The following GRM1 variants were observed in gnomAD, a reference collection of about 807,000 sequenced individuals.
The protein encoded by GRM1 is glutamate metabotropic receptor 1, also known as metabotropic glutamate receptor 1.
In GRM1, 33 loss-of-function variants were observed where a neutral mutation model predicts 90.9. The ratio of observed to expected loss-of-function variants is 0.36; its 90% CI spans 0.28 to 0.49. The LOEUF is 0.49. Ranked by LOEUF, GRM1 falls within the 20% of genes least tolerant of loss-of-function variation. The pLI is 0.99. For missense variants in GRM1, 1,190 were observed against 1,534.3 expected, an observed-to-expected ratio of 0.78 and a Z score of 3.75; for synonymous variants, 700 against 613.2, an observed-to-expected ratio of 1.14 and a Z score of -2.09.
At chr6:146,168,628 T>A (rs1777995049) in intron 2 of GRM1, among the ~76,000 whole-genome samples, 1 of 152,024 alleles carries the variant, frequency 6.6e-6, no homozygotes, top group African/African-American at 2.4e-5. Context: ...ACATCACTTG[T>A]GGGACTTATC....
chr6:146,437,530 C>T lies in GRM1; in HGVS notation c.*2734C>T, dbSNP rs1778630658. On this transcript the variant is annotated 3_prime_UTR_variant, in exon 8 of 8. Transcript: ENST00000282753. ...TTCAGCTTCTTGTAAATGTGTTTTC[C>T]TTCGGCTTGTTACTGCCTTTTGTCA... is the stretch of plus-strand genomic sequence containing the variant. 1 of 152,558 alleles carries T rather than the reference C, an allele frequency of 6.6e-6. No homozygotes were observed. Among genetic ancestry groups the T allele is most frequent in the African/African-American group, 2.4e-5 (1 of 41,426 alleles). 9.5% of individuals were successfully genotyped at this position (152,558 alleles called of 1,614,324 possible). A position where few individuals can be genotyped will look rare whatever the true frequency, so the allele number is the denominator to read the frequency against.
At chr6:146,324,740 C>A (rs536133823) in intron 3 of GRM1, among the ~76,000 whole-genome samples, 12 of 152,274 alleles carry the variant, frequency 7.9e-5, no homozygotes, top group Admixed American at 2.6e-4. Flanking sequence ...CAACTCACCC[C>A]CCGTGGGCTG....
At chr6:146,388,992 C>T (rs1474482630) in intron 6 of GRM1, among the ~76,000 whole-genome samples, 2 of 152,020 alleles carry the variant, frequency 1.3e-5, no homozygotes, top group African/African-American at 2.4e-5. Flanking sequence ...CATGCAATGG[C>T]CTGGCTTGGA....
rs1302881732 is a variant in GRM1 at position 146,437,312 on chromosome 6, G to A, written c.*2516G>A. The A allele has an allele frequency of 6.6e-6, 1 of 152,502 alleles. No individual in the cohort carries two copies. Among genetic ancestry groups the A allele is most frequent in the Non-Finnish European group, 1.5e-5 (1 of 68,010 alleles). The allele number at this position is 152,502 out of a possible 1,614,324, so 9.4% of individuals were successfully genotyped here. A position where few individuals can be genotyped will look rare whatever the true frequency, so the allele number is the denominator to read the frequency against. On this transcript the variant is annotated 3_prime_UTR_variant, in exon 8 of 8. Transcript: ENST00000282753. ...ATATCAGGTTGGTCTAAGACTTTTG[G>A]TGAACACGTTCATTCAACTGTGATC...
chr6:146,260,606 C>T (rs184462543), intron 2 of GRM1, among the ~76,000 whole-genome samples: 2 of 152,198 alleles, frequency 1.3e-5, no homozygotes, highest in Admixed American at 1.3e-4. Context: ...AACTAATTTA[C>T]ACTCCTACCA....
chr6:146,273,235 A>G (rs1411003322), intron 2 of GRM1, among the ~76,000 whole-genome samples: 1 of 152,152 alleles, frequency 6.6e-6, no homozygotes, highest in African/African-American at 2.4e-5. Flanking sequence ...ATCCTGGTGA[A>G]TAGTATGGGG....
chr6:146,247,852 A>G (rs1217196511), intron 2 of GRM1, among the ~76,000 whole-genome samples: 1 of 148,246 alleles, frequency 6.7e-6, no homozygotes, highest in Non-Finnish European at 1.5e-5. Context: ...ATAACCATGT[A>G]ACAATATATA....
intron 1 of GRM1, among the ~76,000 whole-genome samples, chr6:146,044,466 T>G (rs958099783): frequency 6.6e-6 from 1 of 151,982 alleles, no homozygotes; most frequent in Non-Finnish European, 1.5e-5. Flanking sequence ...TTCTACTTCA[T>G]TCTTGTTTGC....
chr6:146,370,324 A>G (rs1775850494), intron 5 of GRM1, among the ~76,000 whole-genome samples: 1 of 151,954 alleles, frequency 6.6e-6, no homozygotes. Context: ...TTTTTCCAGA[A>G]TGACAGCTCC....
intron 2 of GRM1, among the ~76,000 whole-genome samples, chr6:146,192,450 A>G (rs1562520480): frequency 6.6e-6 from 1 of 152,176 alleles, no homozygotes; most frequent in Non-Finnish European, 1.5e-5. Context: ...GGTTCCTCAT[A>G]TGTCAATTAG....
chr6:146,316,740 TGGGGACTGTCTTTTTGAGGGCCG>T (rs1444499575), intron 3 of GRM1, among the ~76,000 whole-genome samples: 63 of 152,120 alleles, frequency 4.1e-4, no homozygotes, highest in African/African-American at 1.3e-3. Context: ...CTCCTCTGAT[TGGGGACTGTCTTTTTGAGGGCCG>T]GGGGACTGTC....
intron 5 of GRM1, among the ~76,000 whole-genome samples, chr6:146,367,745 A>G (rs1775746113): frequency 6.6e-6 from 1 of 151,970 alleles, no homozygotes; most frequent in African/African-American, 2.4e-5. Context: ...AAAGGACATG[A>G]TTTTTCTTTT....
chr6:146,357,468 C>G, intron 4 of GRM1, 58 bp from the exon 5 acceptor site: 7 of 1,407,736 alleles, frequency 5.0e-6, no homozygotes, highest in Non-Finnish European at 7.1e-6. Context: ...TACCAACTTT[C>G]TTTGTTTTCT....
intron 3 of GRM1, among the ~76,000 whole-genome samples, chr6:146,321,093 T>A (rs1784172512): frequency 6.6e-6 from 1 of 152,222 alleles, no homozygotes; most frequent in African/African-American, 2.4e-5. Flanking sequence ...TTTCTCACTT[T>A]CCCATGTGCA....
intron 5 of GRM1, among the ~76,000 whole-genome samples, chr6:146,373,547 C>T (rs1184738209): frequency 6.6e-6 from 1 of 152,086 alleles, no homozygotes; most frequent in Non-Finnish European, 1.5e-5. Flanking sequence ...CCCCTTCTGC[C>T]ACACTGGGGA....
rs1288326884 is a variant in GRM1 at position 146,340,195 on chromosome 6, G to A, written c.1187-12055G>A. ...TTTCCTGTTGACCTAGCCCATAGAA[G>A]AATCTGTCATATTTAATTAGTGTGG... is the stretch of plus-strand genomic sequence containing the variant. On this transcript the variant is annotated intron_variant, in intron 3 of 7. Transcript: ENST00000282753. 5.3e-5 allele frequency among the ~76,000 whole-genome samples: 8 copies of A among 152,192 alleles called. No individual in the cohort carries two copies. In the East Asian group the frequency reaches 1.5e-3, roughly 29 times the overall value.
At chr6:146,037,727 C>T (rs537297833) in intron 1 of GRM1, among the ~76,000 whole-genome samples, 1 of 152,128 alleles carries the variant, frequency 6.6e-6, no homozygotes, top group East Asian at 1.9e-4. Flanking sequence ...TTGATCTCAG[C>T]TCTGTGTTCC....
chr6:146,275,609 A>G (rs753686891), intron 2 of GRM1, among the ~76,000 whole-genome samples: 1 of 151,546 alleles, frequency 6.6e-6, no homozygotes, highest in Admixed American at 6.6e-5. Flanking sequence ...GTTTATCTTT[A>G]GCTCTAGCTC....
intron 2 of GRM1, among the ~76,000 whole-genome samples, chr6:146,253,261 A>G (rs1375048896): frequency 2.6e-5 from 4 of 152,182 alleles, no homozygotes; most frequent in Non-Finnish European, 5.9e-5. Flanking sequence ...AGTTAAAAGC[A>G]TTAGCAACAG....
Sources: gnomAD v4.1 joint callset for allele counts (sites outside exome capture counted in the v4.1 genomes callset) on GRCh38, gnomAD v4.1.1 for gene constraint, MANE v1.5 for transcripts, NCBI Gene and HGNC (gene_info 2026-07-23, HGNC 2026-07-21) for gene names.